RAD18: variants seen among roughly 807,000 people sequenced by gnomAD.
RAD18 encodes the protein RAD18 E3 ubiquitin protein ligase.
A neutral mutation model predicts 60.4 loss-of-function variants in RAD18; 47 were observed. That is an observed-to-expected ratio of 0.78 (90% confidence interval 0.62 to 0.99). RAD18 has a LOEUF of 0.99. Among genes scored for constraint, RAD18 ranks in the 50% least tolerant of loss-of-function variants. RAD18 has a pLI of 0.00. For missense variants in RAD18, 640 were observed against 593.3 expected, an observed-to-expected ratio of 1.08 and a Z score of -0.82; for synonymous variants, 225 against 195.5, an observed-to-expected ratio of 1.15 and a Z score of -1.26.
At chr3:8,916,374 C>A (rs1037786374) in intron 7 of RAD18, among the ~76,000 whole-genome samples, 1 of 152,190 alleles carries the variant, frequency 6.6e-6, no homozygotes, top group Non-Finnish European at 1.5e-5. Context: ...TGATACGTAA[C>A]AGCAATCTAC....
At chr3:8,903,994 C>T (rs1939960918) in intron 9 of RAD18, among the ~76,000 whole-genome samples, 1 of 152,148 alleles carries the variant, frequency 6.6e-6, no homozygotes, top group Non-Finnish European at 1.5e-5. Flanking sequence ...TGCCTTTGAG[C>T]TATGGTATAA....
At chr3:8,918,233 G>A (rs567809643) in intron 7 of RAD18, among the ~76,000 whole-genome samples, 53 of 149,330 alleles carry the variant, frequency 3.5e-4, no homozygotes, top group African/African-American at 1.1e-3. Flanking sequence ...CAGGAGAATC[G>A]CTTGAATCCA....
intron 8 of RAD18, among the ~76,000 whole-genome samples, chr3:8,913,308 G>T (rs1400649028): frequency 2.6e-5 from 4 of 152,152 alleles, no homozygotes; most frequent in Non-Finnish European, 5.9e-5. Context: ...AGGGATCATA[G>T]AGGTCCCTAG....
intron 12 of RAD18, among the ~76,000 whole-genome samples, chr3:8,885,536 T>C (rs1365844996): frequency 6.6e-6 from 1 of 152,196 alleles, no homozygotes; most frequent in Non-Finnish European, 1.5e-5. Context: ...AAAAATCAAA[T>C]TTACAACTTT....
chr3:8,952,479 G>T (rs1940942182), intron 2 of RAD18, among the ~76,000 whole-genome samples: 1 of 152,148 alleles, frequency 6.6e-6, no homozygotes, highest in Non-Finnish European at 1.5e-5. Flanking sequence ...TGTATCCCCA[G>T]TCATAGTGAT....
At chr3:8,894,977 C>A (rs762905439) in intron 11 of RAD18, among the ~76,000 whole-genome samples, 1 of 152,042 alleles carries the variant, frequency 6.6e-6, no homozygotes, top group Non-Finnish European at 1.5e-5. Flanking sequence ...CCAGGCTGGT[C>A]TTCCTGACTT....
At chr3:8,891,075 A>AAAATATATAT (rs1384962578) in intron 11 of RAD18, among the ~76,000 whole-genome samples, 1 of 25,972 alleles carries the variant, frequency 3.9e-5, no homozygotes, top group African/African-American at 7.4e-5. Flanking sequence ...ATATATATAA[A>AAAATATATAT]ATATATATAT....
chr3:8,915,952 G>C (rs551526195), intron 7 of RAD18, among the ~76,000 whole-genome samples: 1 of 152,116 alleles, frequency 6.6e-6, no homozygotes, highest in South Asian at 2.1e-4. Flanking sequence ...AGCTCACTGG[G>C]GAAGGGCAGC....
intron 12 of RAD18, among the ~76,000 whole-genome samples, chr3:8,883,195 G>C (rs1359943169): frequency 2.6e-5 from 4 of 152,274 alleles, no homozygotes; most frequent in South Asian, 2.1e-4. Context: ...GAAGAAAGGA[G>C]AGAAAGAACT....
At position 8,941,540 on chromosome 3, in the gene RAD18, C is replaced by G. The variant is rs1280945752; in HGVS notation, c.531G>C (p.Glu177Asp). 1.2e-6 allele frequency: 2 copies of G among 1,614,112 alleles called. No individual in the cohort carries two copies. Among genetic ancestry groups the G allele is most frequent in the South Asian group, 1.1e-5 (1 of 91,076 alleles). The change falls in exon 5 of 13, where the codon GAG (glutamate) becomes GAC (aspartate). Residue 177 changes from glutamate (E) to aspartate (D), a missense_variant. Transcript: ENST00000264926. ...TAGCCTCTGAGGGATCTGGAGCGATCTCTTCTACAGAACGTGTCTCTTTGG... is the reference window on the plus strand; with the variant it reads ...TAGCCTCTGAGGGATCTGGAGCGATGTCTTCTACAGAACGTGTCTCTTTGG... ...AKTKETRSVE[E>D]IAPDPSEAKR...
chr3:8,913,673 G>A lies in RAD18; in HGVS notation c.937C>T (p.Arg313Cys), dbSNP rs369225742. 54 of 1,572,362 alleles carry A rather than the reference G, an allele frequency of 3.4e-5. No individual in the cohort carries two copies. The highest frequency in any genetic ancestry group is 2.7e-4 in the East Asian group (12 of 43,940). The stretch of plus-strand genomic sequence containing the variant: ...TCATTGAGTTTACTAGCTTCAAGAC[G>A]CATCCTAGTCTTCTCTATATTTTCG... ...EIENIEKTRM[R>C]LEASKLNESV... is the part of the protein sequence containing the mutation. Residue 313 changes from arginine (R) to cysteine (C), a missense_variant, in exon 8 of 13, where the codon CGT becomes TGT. Physicochemically the swap from Arg to Cys is radical, Grantham distance 180. Transcript: ENST00000264926.
intron 7 of RAD18, among the ~76,000 whole-genome samples, chr3:8,920,493 T>C (rs1240854680): frequency 2.0e-5 from 3 of 152,052 alleles, no homozygotes; most frequent in Admixed American, 6.6e-5. Flanking sequence ...AGGTATAGAA[T>C]AGCTACATAG....
At chr3:8,882,788 T>C (rs1318867222) in intron 12 of RAD18, among the ~76,000 whole-genome samples, 4 of 152,144 alleles carry the variant, frequency 2.6e-5, no homozygotes, top group Non-Finnish European at 4.4e-5. Context: ...GCACTGAAGG[T>C]CACATTAGTC....
At chr3:8,884,764 G>C (rs554992180) in intron 12 of RAD18, among the ~76,000 whole-genome samples, 1 of 152,062 alleles carries the variant, frequency 6.6e-6, no homozygotes, top group Admixed American at 6.6e-5. Context: ...GGATCTCAGC[G>C]GTTCTCCCAG....
intron 12 of RAD18, among the ~76,000 whole-genome samples, chr3:8,885,706 T>A (rs1366501904): frequency 6.6e-6 from 1 of 152,184 alleles, no homozygotes; most frequent in African/African-American, 2.4e-5. Context: ...CAAACATACA[T>A]ATTCAACAGG....
chr3:8,901,372 A>G (rs1052079199), intron 10 of RAD18, among the ~76,000 whole-genome samples: 1 of 152,242 alleles, frequency 6.6e-6, no homozygotes, highest in African/African-American at 2.4e-5. Flanking sequence ...AGCATTATTT[A>G]TAAGAACCAA....
rs749280130 is a variant in RAD18, at chr3:8,948,558, C to G, written c.146G>C (p.Cys49Ser). ...TTTATAGGACAGAAATTTTCTTATA[C>G]AGAGAGAGCAGTCTGCAAAACACAA... ...PQCSHNYCSL[C>S]IRKFLSYKTQ... is the part of the protein sequence containing the mutation. Residue 49 changes from cysteine (C) to serine (S), a missense_variant, in exon 3 of 13, where the codon TGT becomes TCT. By Grantham distance (112) the Cys-to-Ser change is moderately radical (BLOSUM62 -1). Coordinates refer to ENST00000264926, the MANE Select transcript of RAD18 (RefSeq NM_020165.4). 3.1e-6 allele frequency: 5 copies of G among 1,611,824 alleles called. No individual in the cohort carries two copies. Among genetic ancestry groups the G allele is most frequent in the Non-Finnish European group, 4.2e-6 (5 of 1,178,324 alleles).
At chr3:8,890,329 C>T (rs537010109) in intron 12 of RAD18, 60 bp downstream of exon 12, 185 of 1,305,906 alleles carry the variant, frequency 1.4e-4, no homozygotes, top group Admixed American at 1.1e-3. Context: ...AAATCAGCTG[C>T]ATAGAAGTAT....
At chr3:8,882,289 G>C (rs1035731824) in intron 12 of RAD18, among the ~76,000 whole-genome samples, 6 of 152,188 alleles carry the variant, frequency 3.9e-5, no homozygotes, top group Admixed American at 3.3e-4. Context: ...TCTGCCTCAA[G>C]GGGAGGCATA....
Sources: allele counts gnomAD v4.1 joint callset (sites outside exome capture counted in the v4.1 genomes callset), GRCh38; gene constraint gnomAD v4.1.1; transcripts MANE v1.5; gene names NCBI Gene and HGNC (gene_info 2026-07-23, HGNC 2026-07-21).